Variants in MUSK observed in about 807,000 individuals in gnomAD.
The protein encoded by MUSK is muscle associated receptor tyrosine kinase, also known as muscle, skeletal receptor tyrosine-protein kinase.
Under a neutral mutation model 88.7 loss-of-function variants are expected in MUSK, and 55 were observed. That is an observed-to-expected ratio of 0.62 (90% CI 0.50 to 0.78). The LOEUF is 0.78. Among genes scored for constraint, MUSK ranks in the 30% least tolerant of loss-of-function variants. MUSK has a pLI of 0.00. For synonymous variants in MUSK, 387 were observed against 391.9 expected, an observed-to-expected ratio of 0.99 and a Z score of 0.15; for missense variants, 1,015 against 1,074.3, an observed-to-expected ratio of 0.94 and a Z score of 0.77.
intron 6 of MUSK, 92 bp downstream of exon 6, chr9:110,734,467 T>C: frequency 6.6e-7 from 1 of 1,526,160 alleles, no homozygotes; most frequent in Non-Finnish European, 9.0e-7. Context: ...CCCAGATCTC[T>C]GTCATTGGTC....
intron 6 of MUSK, among the ~76,000 whole-genome samples, chr9:110,738,373 A>G (rs1219115609): frequency 6.6e-6 from 1 of 152,106 alleles, no homozygotes; most frequent in African/African-American, 2.4e-5. Flanking sequence ...CTATCTTATT[A>G]TTTTCTTTGT....
At chr9:110,716,892 T>C (rs796530210) in intron 5 of MUSK, among the ~76,000 whole-genome samples, 5 of 150,166 alleles carry the variant, frequency 3.3e-5, no homozygotes, top group African/African-American at 1.3e-4. Context: ...CATCCCTTTT[T>C]TATAATACCT....
At chr9:110,770,322 CAATAATAATTAAT>C (rs972889693) in intron 9 of MUSK, among the ~76,000 whole-genome samples, 1 of 125,316 alleles carries the variant, frequency 8.0e-6, no homozygotes, top group African/African-American at 3.4e-5. Flanking sequence ...CAATAATTAT[CAATAATAATTAAT>C]AATTATTATA....
At chr9:110,735,913 A>T (rs1391559363) in intron 6 of MUSK, among the ~76,000 whole-genome samples, 1 of 152,088 alleles carries the variant, frequency 6.6e-6, no homozygotes, top group Non-Finnish European at 1.5e-5. Context: ...AACAGCACTG[A>T]GGGGATGGTG....
chr9:110,702,360 T>C (rs2076540110), intron 5 of MUSK, among the ~76,000 whole-genome samples: 1 of 152,078 alleles, frequency 6.6e-6, no homozygotes, highest in South Asian at 2.1e-4. Context: ...TCTTGGCCCA[T>C]GTGAAATGGA....
At chr9:110,772,187 T>G (rs1297174039) in intron 9 of MUSK, among the ~76,000 whole-genome samples, 1 of 151,264 alleles carries the variant, frequency 6.6e-6, no homozygotes, top group African/African-American at 2.4e-5. Flanking sequence ...AGAATTAAAA[T>G]TAAATTTTAT....
intron 7 of MUSK, among the ~76,000 whole-genome samples, chr9:110,760,011 G>A (rs2077375698): frequency 6.6e-6 from 1 of 152,004 alleles, no homozygotes; most frequent in African/African-American, 2.4e-5. Context: ...ACTCCCTCCT[G>A]GGCCACACAG....
intron 1 of MUSK, among the ~76,000 whole-genome samples, chr9:110,677,647 A>G (rs369895203): frequency 6.6e-6 from 1 of 151,578 alleles, no homozygotes; most frequent in African/African-American, 2.4e-5. Flanking sequence ...TGCCTGGAAC[A>G]CTCTTCTCTC....
intron 1 of MUSK, among the ~76,000 whole-genome samples, chr9:110,669,433 C>T (rs1419095090): frequency 1.3e-5 from 2 of 152,054 alleles, no homozygotes; most frequent in African/African-American, 4.8e-5. Flanking sequence ...TTTAGCTTTG[C>T]CAAACTCTTA....
intron 7 of MUSK, among the ~76,000 whole-genome samples, chr9:110,755,233 G>A (rs2077295897): frequency 6.6e-6 from 1 of 152,124 alleles, no homozygotes; most frequent in Admixed American, 6.6e-5. Context: ...ACTGCTAAAA[G>A]GATGTGGCCT....
At chr9:110,735,498 A>G (rs1044885611) in intron 6 of MUSK, among the ~76,000 whole-genome samples, 7 of 152,054 alleles carry the variant, frequency 4.6e-5, no homozygotes, top group Admixed American at 4.6e-4. Context: ...TTCATAACTA[A>G]AAAAATTGAT....
At chr9:110,700,409 A>G (rs1278778097) in intron 5 of MUSK, among the ~76,000 whole-genome samples, 2 of 152,162 alleles carry the variant, frequency 1.3e-5, no homozygotes, top group East Asian at 3.9e-4. Flanking sequence ...GTCCTGTGTG[A>G]CATTGTCAAG....
rs1588037471 is a variant in MUSK at position 110,784,882 on chromosome 9, T to C, written c.1452T>C (p.Ser484=). The change falls in exon 12 of 15, where the codon TCT becomes TCC. Residue 484 remains serine (S), a synonymous_variant. Coordinates refer to ENST00000374448, the MANE Select transcript of MUSK (RefSeq NM_005592.4). ...DIPNLPSSSS[S]SFSVSPTYSM... ...CAAATCTGCCTTCCTCCTCCTCTTC[T>C]TCCTTCTCTGTCTCACCTACATACT... The C allele has an allele frequency of 6.2e-7, 1 of 1,613,966 alleles. No homozygotes were observed. Among genetic ancestry groups the C allele is most frequent in the Non-Finnish European group, 8.5e-7 (1 of 1,179,856 alleles).
At chr9:110,685,781 A>G (rs540943346) in intron 2 of MUSK, among the ~76,000 whole-genome samples, 15 of 152,220 alleles carry the variant, frequency 9.9e-5, no homozygotes, top group African/African-American at 3.1e-4. Context: ...CTTCCTTCCA[A>G]TTCCTCAGGA....
chr9:110,772,435 T>C (rs1462063457), intron 9 of MUSK, among the ~76,000 whole-genome samples: 1 of 151,928 alleles, frequency 6.6e-6, no homozygotes, highest in African/African-American at 2.4e-5. Context: ...GTTATTTAAA[T>C]AAGTAGTTTT....
intron 3 of MUSK, among the ~76,000 whole-genome samples, chr9:110,691,296 G>A (rs997534814): frequency 2.0e-5 from 3 of 152,070 alleles, no homozygotes; most frequent in Non-Finnish European, 4.4e-5. Context: ...CTTGTCAGAT[G>A]AGCAAAACAG....
chr9:110,752,313 G>A (rs993726812), intron 7 of MUSK, among the ~76,000 whole-genome samples: 1 of 152,184 alleles, frequency 6.6e-6, no homozygotes, highest in African/African-American at 2.4e-5. Context: ...AGGGAAATGA[G>A]GCTACTTCGA....
chr9:110,710,388 T>C (rs547925360), intron 5 of MUSK, among the ~76,000 whole-genome samples: 6 of 152,338 alleles, frequency 3.9e-5, no homozygotes, highest in African/African-American at 1.4e-4. Context: ...ACAGTGTCTA[T>C]GCAGTAGCTC....
At chr9:110,694,534 C>T (rs952417086) in intron 3 of MUSK, among the ~76,000 whole-genome samples, 14 of 152,164 alleles carry the variant, frequency 9.2e-5, no homozygotes, top group African/African-American at 3.4e-4. Context: ...TCATGCGTTC[C>T]TTTGTCAAAA....
Sources: gnomAD v4.1 joint callset for allele counts (sites outside exome capture counted in the v4.1 genomes callset) on GRCh38, gnomAD v4.1.1 for gene constraint, MANE v1.5 for transcripts, NCBI Gene and HGNC (gene_info 2026-07-23, HGNC 2026-07-21) for gene names.